ITPRID1: variants seen among roughly 807,000 people sequenced by gnomAD.
ITPRID1 encodes the protein ITPR interacting domain containing 1.
ITPRID1 carries 96 observed loss-of-function variants against 95.4 expected under a neutral mutation model. The observed-to-expected ratio is 1.01, with a 90% CI of 0.85 to 1.19. The LOEUF is 1.19. Ranked by LOEUF, ITPRID1 falls within the 50% of genes most tolerant of loss-of-function variation. ITPRID1 has a pLI of 0.00. For missense variants in ITPRID1, 1,339 were observed against 1,252.9 expected, an observed-to-expected ratio of 1.07 and a Z score of -1.04; for synonymous variants, 510 against 453.6, an observed-to-expected ratio of 1.12 and a Z score of -1.58.
chr7:31,536,230 C>T (rs900219016), intron 1 of ITPRID1, among the ~76,000 whole-genome samples: 4 of 151,950 alleles, frequency 2.6e-5, no homozygotes, highest in African/African-American at 9.7e-5. Context: ...GTTATTTTAT[C>T]CTCTGCTGTG....
Position 31,652,632 on chromosome 7 carries a change from G to A in ITPRID1, c.2938G>A (p.Ala980Thr). The change falls in exon 15 of 15, where the codon GCC becomes ACC. Residue 980 changes from alanine (A) to threonine (T), a missense_variant. By Grantham distance (58) the Ala-to-Thr change is moderately conservative (BLOSUM62 0). Transcript: ENST00000615280. The stretch of plus-strand genomic sequence containing the variant: ...ATGTTCTAAAATCCACCCAGGCATG[G>A]CCCCGAGGACTGTGTTTCCTCCCGA... Reference protein sequence around the residue: ...TSCSKIHPGMAPRTVFPPDDG... With the variant: ...TSCSKIHPGMTPRTVFPPDDG... The A allele has an allele frequency of 1.2e-6, 2 of 1,613,806 alleles. No individual in the cohort carries two copies. The highest frequency in any genetic ancestry group is 2.2e-5 in the South Asian group (2 of 91,058).
At chr7:31,518,045 GT>G (rs1328391710) in intron 1 of ITPRID1, 1 of 152,514 alleles carries the variant, frequency 6.6e-6, no homozygotes, top group Non-Finnish European at 1.5e-5. Context: ...ATTATCCTGG[GT>G]TTTTTGGGTG....
At position 31,652,896 on chromosome 7, in the gene ITPRID1, T is replaced by G; in HGVS notation, c.*67T>G. The G allele has an allele frequency of 6.4e-7, 1 of 1,551,802 alleles. No individual in the cohort carries two copies. The highest frequency in any genetic ancestry group is 1.2e-5 in the South Asian group (1 of 81,240). On this transcript the variant is annotated 3_prime_UTR_variant, in exon 15 of 15. Coordinates refer to ENST00000615280, the MANE Select transcript of ITPRID1 (RefSeq NM_001257967.3). ...CCAGAACAGATGTAGCAAGGAAATT[T>G]CAATTTTCCCCAAGGAGAAGGGTCT...
intron 12 of ITPRID1, among the ~76,000 whole-genome samples, chr7:31,645,355 T>C (rs571099189): frequency 2.0e-5 from 3 of 152,340 alleles, no homozygotes; most frequent in African/African-American, 7.2e-5. Context: ...ATTTATCAGA[T>C]CATTTTTTAA....
At chr7:31,584,486 A>G (rs879506571) in intron 10 of ITPRID1, among the ~76,000 whole-genome samples, 5 of 152,206 alleles carry the variant, frequency 3.3e-5, no homozygotes, top group Non-Finnish European at 7.3e-5. Flanking sequence ...GCCTTCCTTG[A>G]CATTCTATTA....
chr7:31,541,992 T>C (rs543470365), intron 1 of ITPRID1, among the ~76,000 whole-genome samples: 1 of 152,318 alleles, frequency 6.6e-6, no homozygotes, highest in East Asian at 1.9e-4. Context: ...AAAACTTGCT[T>C]AAACCTTCAT....
At chr7:31,621,664 A>G (rs1431752671) in intron 10 of ITPRID1, among the ~76,000 whole-genome samples, 1 of 148,204 alleles carries the variant, frequency 6.7e-6, no homozygotes, top group Non-Finnish European at 1.5e-5. Flanking sequence ...GCCAAAATGT[A>G]AAGACCATCG....
intron 10 of ITPRID1, among the ~76,000 whole-genome samples, chr7:31,637,925 G>A: frequency 6.6e-6 from 1 of 152,136 alleles, no homozygotes; most frequent in East Asian, 1.9e-4. Flanking sequence ...AAGGTGTAAG[G>A]AAGGGATCCA....
intron 10 of ITPRID1, among the ~76,000 whole-genome samples, chr7:31,625,029 T>C (rs1309922800): frequency 2.0e-5 from 3 of 152,154 alleles, no homozygotes; most frequent in South Asian, 2.1e-4. Flanking sequence ...AAAATGCTCA[T>C]CATCACTGGC....
chr7:31,620,762 A>G (rs1787792218), intron 10 of ITPRID1, among the ~76,000 whole-genome samples: 1 of 152,234 alleles, frequency 6.6e-6, no homozygotes, highest in Non-Finnish European at 1.5e-5. Context: ...TGGATGGAGA[A>G]TGACTTTGAG....
At chr7:31,594,799 A>T (rs1786010985) in intron 10 of ITPRID1, among the ~76,000 whole-genome samples, 1 of 151,986 alleles carries the variant, frequency 6.6e-6, no homozygotes, top group Admixed American at 6.6e-5. Flanking sequence ...AGAGGTTGCA[A>T]TGAGTTGAGA....
chr7:31,643,703 C>T lies in ITPRID1; in HGVS notation c.2333C>T (p.Pro778Leu). The T allele has an allele frequency of 5.0e-6, 8 of 1,614,058 alleles. No individual in the cohort carries two copies. Among genetic ancestry groups the T allele is most frequent in the Non-Finnish European group, 6.8e-6 (8 of 1,179,900 alleles). ...SNKTLTHGPQ[P>L]LTKSVSLDSG... ...AAGACCTTGACACATGGGCCCCAGC[C>T]CCTCACCAAATCCGTCTCTCTAGAC... The change falls in exon 12 of 15, where the codon CCC becomes CTC. Residue 778 changes from proline (P) to leucine (L), a missense_variant. Transcript: ENST00000615280.
At chr7:31,554,377 T>C in intron 3 of ITPRID1, 98 bp from the exon 4 acceptor site, 1 of 1,484,924 alleles carries the variant, frequency 6.7e-7, no homozygotes, top group Non-Finnish European at 9.0e-7. Flanking sequence ...TGACTAAATA[T>C]GTGGGAAATA....
At chr7:31,567,501 G>A (rs1007329787) in intron 5 of ITPRID1, among the ~76,000 whole-genome samples, 6 of 152,058 alleles carry the variant, frequency 3.9e-5, no homozygotes, top group Admixed American at 3.9e-4. Context: ...GTAGCATTGG[G>A]AGTGATAGCA....
At chr7:31,650,742 T>C (rs1790872428) in intron 12 of ITPRID1, among the ~76,000 whole-genome samples, 2 of 152,206 alleles carry the variant, frequency 1.3e-5, no homozygotes, top group South Asian at 4.1e-4. Context: ...ATGTTATTGA[T>C]ACTCAGAGTG....
intron 10 of ITPRID1, among the ~76,000 whole-genome samples, chr7:31,630,508 T>C (rs1416589039): frequency 2.0e-5 from 3 of 152,148 alleles, no homozygotes; most frequent in African/African-American, 7.2e-5. Flanking sequence ...ATTAGTAATG[T>C]TGAACTAATA....
intron 9 of ITPRID1, 87 bp from the exon 10 acceptor site, chr7:31,583,047 A>C (rs1583530527): frequency 1.1e-6 from 1 of 881,160 alleles, no homozygotes; most frequent in Non-Finnish European, 1.9e-6. Context: ...CCCTCTTATC[A>C]GTTGCCAGTC....
intron 10 of ITPRID1, among the ~76,000 whole-genome samples, chr7:31,637,359 TA>T (rs1789587131): frequency 1.3e-5 from 2 of 152,122 alleles, no homozygotes; most frequent in Non-Finnish European, 2.9e-5. Context: ...ACCAACAGTG[TA>T]AAAGTGTTCC....
intron 5 of ITPRID1, among the ~76,000 whole-genome samples, chr7:31,565,970 G>T (rs189535538): frequency 1.5e-3 from 221 of 152,220 alleles, no homozygotes; most frequent in South Asian, 2.5e-3. Flanking sequence ...TGACCCAAAT[G>T]GTCCACTTTG....
Sources: allele counts gnomAD v4.1 joint callset (sites outside exome capture counted in the v4.1 genomes callset), GRCh38; gene constraint gnomAD v4.1.1; transcripts MANE v1.5; gene names NCBI Gene and HGNC (gene_info 2026-07-23, HGNC 2026-07-21).